Variants in CACNB1 observed in about 807,000 individuals in gnomAD.
The protein encoded by CACNB1 is calcium voltage-gated channel auxiliary subunit beta 1, also known as voltage-dependent L-type calcium channel subunit beta-1.
Under a neutral mutation model 71.6 loss-of-function variants are expected in CACNB1, and 29 were observed. That is an observed-to-expected ratio of 0.40 (90% CI 0.30 to 0.55). The LOEUF (loss-of-function observed/expected upper bound fraction) is 0.55. Ranked by LOEUF, CACNB1 falls within the 20% of genes least tolerant of loss-of-function variation. CACNB1 has a pLI of 0.38. For synonymous variants in CACNB1, 300 were observed against 319.6 expected (o/e 0.94, Z 0.65); for missense variants, 623 against 801.8 (o/e 0.78, Z 2.69).
At chr17:39,188,269 C>T (rs868191743) in intron 3 of CACNB1, among the ~76,000 whole-genome samples, 10 of 151,304 alleles carry the variant, frequency 6.6e-5, no homozygotes, top group Middle Eastern at 3.4e-3. Flanking sequence ...GATGACGGAG[C>T]AAGACTCTGT....
rs1242496216 is a variant in CACNB1 at position 39,174,285 on chromosome 17, G to C, written c.*908C>G. ...TCCGAGGTCCCAAGGCAACCCCTGG[G>C]CACCATCCCACGGGTCCTCTCCCCT... On this transcript the variant is annotated 3_prime_UTR_variant, in exon 14 of 14. Coordinates refer to ENST00000394303, the MANE Select transcript of CACNB1 (RefSeq NM_000723.5). The C allele has an allele frequency of 6.5e-6, 1 of 152,980 alleles. No homozygotes were observed. The highest frequency in any genetic ancestry group is 2.4e-5 in the African/African-American group (1 of 41,440). The allele number at this position is 152,980 out of a possible 1,614,324, so 9.5% of individuals were successfully genotyped here. A position where few individuals can be genotyped will look rare whatever the true frequency, so the allele number is the denominator to read the frequency against.
chr17:39,190,445 T>G (rs983105403), intron 3 of CACNB1, among the ~76,000 whole-genome samples: 1 of 152,130 alleles, frequency 6.6e-6, no homozygotes, highest in African/African-American at 2.4e-5. Context: ...TTATGTTTTT[T>G]GAGACAGAGT....
intron 8 of CACNB1, 118 bp downstream of exon 8, chr17:39,184,665 GA>G (rs1430217554): frequency 2.6e-6 from 2 of 761,184 alleles, no homozygotes; most frequent in Non-Finnish European, 4.6e-6. Context: ...GGTTGTCTCT[GA>G]AAGTCTGTAG....
intron 1 of CACNB1, 42 bp from the exon 2 acceptor site, chr17:39,195,012 C>G (rs2046173668): frequency 7.1e-7 from 1 of 1,409,816 alleles, no homozygotes; most frequent in African/African-American, 1.4e-5. Context: ...ATCAGAAGGG[C>G]CCTTTCCCAA....
rs2045521515 is a variant in CACNB1, at chr17:39,174,114, G to T, written c.*1079C>A. 2 of 152,930 alleles carry T rather than the reference G, an allele frequency of 1.3e-5. No individual in the cohort carries two copies. Among genetic ancestry groups the T allele is most frequent in the Admixed American group, 1.3e-4 (2 of 15,286 alleles). 9.5% of individuals were successfully genotyped at this position (152,930 alleles called of 1,614,324 possible). A position where few individuals can be genotyped will look rare whatever the true frequency, so the allele number is the denominator to read the frequency against. On this transcript the variant is annotated 3_prime_UTR_variant, in exon 14 of 14. Transcript: ENST00000394303. The stretch of plus-strand genomic sequence containing the variant: ...TGCTGGGGAGGGGCAGGGTTGCTGG[G>T]CTACAGGGATGCCAAGGCAAAGGGA...
chr17:39,193,141 C>T (rs555943873), intron 2 of CACNB1: 5 of 232,982 alleles, frequency 2.1e-5, no homozygotes, highest in Middle Eastern at 1.7e-3. Flanking sequence ...CATGCAGGCA[C>T]GCGCACGTGT....
chr17:39,178,906 G>A (rs922168760), intron 11 of CACNB1, among the ~76,000 whole-genome samples: 3 of 152,110 alleles, frequency 2.0e-5, no homozygotes, highest in Non-Finnish European at 4.4e-5. Context: ...GCACACTGAG[G>A]GACAGACAGT....
chr17:39,184,738 T>C (rs772221286), intron 8 of CACNB1, 46 bp downstream of exon 8: 16 of 1,300,084 alleles, frequency 1.2e-5, no homozygotes, highest in Non-Finnish European at 1.6e-5. Flanking sequence ...GGTCTGAAGA[T>C]CTTTCTAAGG....
At chr17:39,182,052 T>G (rs2045778910) in intron 11 of CACNB1, among the ~76,000 whole-genome samples, 1 of 151,874 alleles carries the variant, frequency 6.6e-6, no homozygotes, top group African/African-American at 2.4e-5. Flanking sequence ...TCCCAGCTAC[T>G]CAGGAGGATG....
At position 39,194,584 on chromosome 17, in the gene CACNB1, G is replaced by A. The variant is rs533247513; in HGVS notation, c.171+300C>T. On this transcript the variant is annotated intron_variant, in intron 2 of 13. Transcript: ENST00000394303. The surrounding 1 kb of genome is among the most constrained non-coding windows in gnomAD (Gnocchi z 4.6). ...CGGCAGGGGGAGTGGGTGACAGCCC[G>A]AAGCAAGCTGGAGGGAGGCAGGCCA... Among the ~76,000 whole-genome samples, 5 of 152,108 alleles carry A rather than the reference G, an allele frequency of 3.3e-5. No individual in the cohort carries two copies. The highest frequency in any genetic ancestry group is 2.1e-4 in the South Asian group (1 of 4,810).
In CACNB1 at chr17:39,178,012, G is replaced by A. The variant is rs1204355021; in HGVS notation, c.1118C>T (p.Ala373Val). The change falls in exon 12 of 14, where the codon GCC becomes GTC. Residue 373 changes from alanine (A) to valine (V), a missense_variant. Transcript: ENST00000394303. Reference sequence around the variant, plus strand: ...GGGGCACTGTGCCAGCTTTTCCGAGGCCGCTATTTGGACATTGAGGTGTTT... The same window carrying A: ...GGGGCACTGTGCCAGCTTTTCCGAGACCGCTATTTGGACATTGAGGTGTTT... The part of the protein sequence containing the change: ...QSKHLNVQIA[A>V]SEKLAQCPPE... The A allele has an allele frequency of 6.2e-7, 1 of 1,614,048 alleles. No homozygotes were observed.
chr17:39,175,368 G>C lies in CACNB1; in HGVS notation c.1622C>G (p.Pro541Arg). ...GLGDPAGGGT[P>R]PARQGSWEDE... ...CTCCCAGGATCCCTGTCGGGCTGGG[G>C]GCGTGCCGCCCCCTGCAGGGTCTCC... The change falls in exon 14 of 14, where the codon CCC becomes CGC. Residue 541 changes from proline to arginine, a missense_variant. Pro to Arg is a moderately radical substitution (Grantham distance 103). Coordinates refer to ENST00000394303, the MANE Select transcript of CACNB1 (RefSeq NM_000723.5). This position sits in a 1 kb window ranked among gnomAD's most constrained non-coding sequence, Gnocchi z 4.7. The C allele has an allele frequency of 6.2e-7, 1 of 1,614,180 alleles. No individual in the cohort carries two copies. The highest frequency in any genetic ancestry group is 8.5e-7 in the Non-Finnish European group (1 of 1,180,044).
At chr17:39,195,368 GGA>G in intron 1 of CACNB1, 1 of 172,830 alleles carries the variant, frequency 5.8e-6, no homozygotes, top group South Asian at 1.4e-4. Context: ...TGTTGGGTGG[GGA>G]GAGCGGGAAA....
intron 11 of CACNB1, among the ~76,000 whole-genome samples, chr17:39,181,376 G>A (rs1396852752): frequency 1.3e-5 from 2 of 152,146 alleles, no homozygotes; most frequent in Admixed American, 1.3e-4. Flanking sequence ...TTACAGGTGT[G>A]AGCCACCGTG....
At chr17:39,183,337 A>AG (rs1555581643) in intron 11 of CACNB1, among the ~76,000 whole-genome samples, 2 of 130,298 alleles carry the variant, frequency 1.5e-5, no homozygotes, top group African/African-American at 5.0e-5. Flanking sequence ...GACTTAAAAA[A>AG]AAGAAGAAGA....
rs1567791123 is a variant in CACNB1, at chr17:39,177,477, G to A, written c.1205C>T (p.Ala402Val). Reference sequence around the variant, plus strand: ...CTTCCAATAGGCTTCCAAGTACTCCGCCAGATGCTCGCAGGCATCCTCCAA... The same window carrying A: ...CTTCCAATAGGCTTCCAAGTACTCCACCAGATGCTCGCAGGCATCCTCCAA... The part of the protein sequence containing the change: ...NQLEDACEHL[A>V]EYLEAYWKAT... Residue 402 changes from alanine to valine, a missense_variant, in exon 13 of 14, where the codon GCG becomes GTG. Ala to Val is a moderately conservative substitution (Grantham distance 64). Transcript: ENST00000394303. 1 of 1,610,298 alleles carries A rather than the reference G, an allele frequency of 6.2e-7. No homozygotes were observed. Among genetic ancestry groups the A allele is most frequent in the Non-Finnish European group, 8.5e-7 (1 of 1,177,074 alleles).
At chr17:39,176,969 G>GA (rs1276254195) in intron 13 of CACNB1, among the ~76,000 whole-genome samples, 2 of 152,116 alleles carry the variant, frequency 1.3e-5, no homozygotes, top group Non-Finnish European at 2.9e-5. Context: ...GGAGTCCAGC[G>GA]AATCAGTTTA....
At chr17:39,190,096 G>T (rs531520030) in intron 3 of CACNB1, among the ~76,000 whole-genome samples, 2 of 150,978 alleles carry the variant, frequency 1.3e-5, no homozygotes, top group African/African-American at 4.9e-5. Context: ...AGCCTGGGCG[G>T]CAGTGCAAGA....
chr17:39,184,392 G>T lies in CACNB1; in HGVS notation c.730-9C>A. ...TGCATCATGTCTGTAACCTGGGGGT[G>T]GGGGTTTGTGGGGAGGGAGGGAGGA... On this transcript the variant is annotated splice_polypyrimidine_tract_variant and intron_variant, in intron 8 of 13. Coordinates refer to ENST00000394303, the MANE Select transcript of CACNB1 (RefSeq NM_000723.5). 1 of 1,411,684 alleles carries T rather than the reference G, an allele frequency of 7.1e-7. No homozygotes were observed. The highest frequency in any genetic ancestry group is 9.8e-7 in the Non-Finnish European group (1 of 1,020,388). The allele number at this position is 1,411,684 out of a possible 1,614,324, so 87.4% of individuals were successfully genotyped here.
Sources: allele counts gnomAD v4.1 joint callset (sites outside exome capture counted in the v4.1 genomes callset), GRCh38; gene constraint gnomAD v4.1.1; non-coding constraint Gnocchi (gnomAD v3.1); transcripts MANE v1.5; gene names NCBI Gene and HGNC (gene_info 2026-07-23, HGNC 2026-07-21).